SAMD12: variants seen among roughly 807,000 people sequenced by gnomAD.
The protein encoded by SAMD12 is sterile alpha motif domain-containing protein 12.
Under a neutral mutation model 15.0 loss-of-function variants are expected in SAMD12, and 9 were observed. The observed-to-expected ratio is 0.60, with a 90% confidence interval of 0.36 to 1.05. The LOEUF (loss-of-function observed/expected upper bound fraction) is 1.05, where lower values mean the gene tolerates loss of function less well. SAMD12 is among the 50% of genes least tolerant of loss of function. The probability of loss-of-function intolerance (pLI) is 0.01; values close to 1 mark genes in which losing one functional copy is unlikely to be tolerated. For synonymous variants in SAMD12, 86 were observed against 90.1 expected (o/e 0.96, Z 0.25); for missense variants, 230 against 234.2 (o/e 0.98, Z 0.12).
At chr8:118,234,382 T>C (rs774683686) in intron 4 of SAMD12, among the ~76,000 whole-genome samples, 1 of 152,092 alleles carries the variant, frequency 6.6e-6, no homozygotes, top group South Asian at 2.1e-4. Flanking sequence ...TTAGAACTTG[T>C]CTTCCCCAGT....
At chr8:118,562,530 C>T (rs1350265643) in intron 2 of SAMD12, among the ~76,000 whole-genome samples, 1 of 152,088 alleles carries the variant, frequency 6.6e-6, no homozygotes, top group African/African-American at 2.4e-5. Flanking sequence ...AAAACAAACA[C>T]ACAAAACAGG....
chr8:118,188,133 C>G (rs149675359), downstream of SAMD12, among the ~76,000 whole-genome samples: 5 of 151,350 alleles, frequency 3.3e-5, no homozygotes, highest in African/African-American at 4.8e-5. Flanking sequence ...GAGAAAGGCA[C>G]GTGCAGAAAG....
intron 2 of SAMD12, among the ~76,000 whole-genome samples, chr8:118,475,670 T>C (rs989133455): frequency 6.6e-6 from 1 of 152,140 alleles, no homozygotes; most frequent in Non-Finnish European, 1.5e-5. Context: ...TAAATAACAT[T>C]TGTTGGATTA....
chr8:118,445,407 G>T (rs1822884674), intron 2 of SAMD12, among the ~76,000 whole-genome samples: 1 of 152,064 alleles, frequency 6.6e-6, no homozygotes, highest in African/African-American at 2.4e-5. Context: ...TTTCCCGAAT[G>T]GTCTATAAAA....
At chr8:118,349,142 A>G (rs877066) in intron 4 of SAMD12, among the ~76,000 whole-genome samples, 3 of 152,248 alleles carry the variant, frequency 2.0e-5, no homozygotes. Flanking sequence ...AGAAAAAAGA[A>G]CAGGGAAAGA....
intron 1 of SAMD12, among the ~76,000 whole-genome samples, chr8:118,605,253 A>G (rs1197206762): frequency 4.6e-5 from 7 of 152,246 alleles, no homozygotes; most frequent in Non-Finnish European, 1.0e-4. Context: ...TCAAGTTCCC[A>G]TCACTGGCCT....
chr8:118,163,802 G>C, the SAMD12 span, among the ~76,000 whole-genome samples: 1 of 152,180 alleles, frequency 6.6e-6, no homozygotes, highest in Admixed American at 6.5e-5. Flanking sequence ...GTGAACCCTG[G>C]AGGCAGAGCT....
intron 4 of SAMD12, among the ~76,000 whole-genome samples, chr8:118,203,526 G>A (rs573267784): frequency 1.6e-4 from 25 of 151,882 alleles, no homozygotes; most frequent in African/African-American, 6.0e-4. Flanking sequence ...AAATGTCAGT[G>A]GTACTGAGGT....
intron 2 of SAMD12, among the ~76,000 whole-genome samples, chr8:118,549,363 C>T (rs564798337): frequency 3.3e-5 from 5 of 152,334 alleles, no homozygotes; most frequent in African/African-American, 7.2e-5. Context: ...CAGCAGCATT[C>T]GTGGTTCACG....
chr8:118,389,907 T>G (rs1249724408), intron 3 of SAMD12, among the ~76,000 whole-genome samples: 1 of 152,232 alleles, frequency 6.6e-6, no homozygotes, highest in African/African-American at 2.4e-5. Context: ...GGCTAATTTT[T>G]TCCATACTAT....
intron 4 of SAMD12, among the ~76,000 whole-genome samples, chr8:118,309,484 G>A (rs1262560723): frequency 2.6e-5 from 4 of 151,836 alleles, no homozygotes; most frequent in Non-Finnish European, 4.4e-5. Context: ...TTGCAATTGT[G>A]AATTGTGCTC....
intron 4 of SAMD12, among the ~76,000 whole-genome samples, chr8:118,344,662 A>G (rs1289111470): frequency 2.0e-5 from 3 of 152,208 alleles, no homozygotes; most frequent in African/African-American, 7.2e-5. Flanking sequence ...GAATAGGATA[A>G]CACACCATGT....
intron 3 of SAMD12, among the ~76,000 whole-genome samples, chr8:118,438,870 T>G (rs1193261117): frequency 6.6e-6 from 1 of 152,142 alleles, no homozygotes; most frequent in African/African-American, 2.4e-5. Flanking sequence ...AGAAATGACT[T>G]CTTAACACTG....
intron 2 of SAMD12, among the ~76,000 whole-genome samples, chr8:118,480,381 T>C (rs933799900): frequency 6.6e-6 from 1 of 152,218 alleles, no homozygotes. Context: ...CAACATGTAT[T>C]AAAAATTACA....
At chr8:118,403,804 T>C (rs773988167) in intron 3 of SAMD12, among the ~76,000 whole-genome samples, 2 of 152,004 alleles carry the variant, frequency 1.3e-5, no homozygotes, top group African/African-American at 2.4e-5. Flanking sequence ...TCTGGAGAGG[T>C]AGTGAAACAA....
chr8:118,602,830 A>C (rs963332163), intron 1 of SAMD12, among the ~76,000 whole-genome samples: 1 of 152,236 alleles, frequency 6.6e-6, no homozygotes, highest in Admixed American at 6.5e-5. Flanking sequence ...ATATTGGCAA[A>C]TATTTGAAGA....
chr8:118,144,805 T>C, the SAMD12 span, among the ~76,000 whole-genome samples: 2 of 152,172 alleles, frequency 1.3e-5, no homozygotes, highest in Admixed American at 1.3e-4. Flanking sequence ...TTTAGAAAGC[T>C]GAAGGCCACA....
At chr8:118,427,882 C>G (rs114133538) in intron 3 of SAMD12, among the ~76,000 whole-genome samples, 3,053 of 152,244 alleles carry the variant, frequency 0.02, 54 homozygotes, top group Middle Eastern at 0.041. Context: ...CCATATTAAA[C>G]TCACATACAA....
intron 2 of SAMD12, among the ~76,000 whole-genome samples, chr8:118,546,632 C>T (rs1025954825): frequency 6.6e-5 from 10 of 152,164 alleles, no homozygotes; most frequent in African/African-American, 2.2e-4. Context: ...AGGCAAACCA[C>T]AATTACAATG....
Sources: gnomAD v4.1 joint callset for allele counts (sites outside exome capture counted in the v4.1 genomes callset) on GRCh38, gnomAD v4.1.1 for gene constraint, MANE v1.5 for transcripts, NCBI Gene and HGNC (gene_info 2026-07-23, HGNC 2026-07-21) for gene names.